The following PKD1 variants were observed in gnomAD, a reference collection of about 807,000 sequenced individuals.
PKD1 encodes polycystin 1, transient receptor potential channel interacting, also known as polycystin-1.
A neutral mutation model predicts 361.7 loss-of-function variants in PKD1; 81 were observed. That is an observed-to-expected ratio of 0.22 (90% CI 0.19 to 0.27). The LOEUF (loss-of-function observed/expected upper bound fraction) is 0.27. Ranked by LOEUF, PKD1 falls within the 10% of genes least tolerant of loss-of-function variation. PKD1 has a pLI of 1.00. For synonymous variants in PKD1, 3,615 were observed against 2,818.3 expected (o/e 1.28, Z -8.95); for missense variants, 6,399 against 6,118.3 (o/e 1.05, Z -1.53).
At chr16:2,119,991 C>A in intron 1 of PKD1, 2 of 594,872 alleles carry the variant, frequency 3.4e-6, no homozygotes, top group South Asian at 3.9e-5. Flanking sequence ...ACGGAAGGAT[C>A]GCCTGGGCCC....
In PKD1 at chr16:2,094,010, A is replaced by G. The variant is rs769506635; in HGVS notation, c.10622T>C (p.Leu3541Pro). ...CAGGCGCTTCCGCAGACCCTCCACC[A>G]GTCCTGGGGAAGCAGAGACAGACCT... Reference protein sequence around the residue: ...PQAARLSRTGLVEGLRKRLLP... With the variant: ...PQAARLSRTGPVEGLRKRLLP... Residue 3541 changes from leucine (L) to proline (P), a missense_variant, in exon 36 of 46, where the codon CTG becomes CCG. Leu to Pro is a moderately conservative substitution (Grantham distance 98). Transcript: ENST00000262304. The G allele has an allele frequency of 1.3e-6, 2 of 1,590,336 alleles. No homozygotes were observed. Among genetic ancestry groups the G allele is most frequent in the Non-Finnish European group, 1.7e-6 (2 of 1,169,758 alleles).
Position 2,100,975 on chromosome 16 carries a change from G to A in PKD1, c.9398-409C>T, listed in dbSNP as rs2092072065. ...ACCTCCTCTCCCAGTGACAGACCCA[G>A]GTGACAGTATTTTTTTTCTTTTTTT... On this transcript the variant is annotated intron_variant, in intron 26 of 45. Coordinates refer to ENST00000262304, the MANE Select transcript of PKD1 (RefSeq NM_001009944.3). The surrounding 1 kb of genome is among the most constrained non-coding windows in gnomAD (Gnocchi z 4.4). Among the ~76,000 whole-genome samples the A allele has an allele frequency of 6.6e-6, 1 of 152,076 alleles. No individual in the cohort carries two copies. The highest frequency in any genetic ancestry group is 2.4e-5 in the African/African-American group (1 of 41,400).
chr16:2,094,148 G>T lies in PKD1; in HGVS notation c.10562C>A (p.Pro3521Gln). The change falls in exon 35 of 46, where the codon CCA (proline) becomes CAA (glutamine). Residue 3521 changes from proline to glutamine, a missense_variant. Transcript: ENST00000262304. The stretch of plus-strand genomic sequence containing the variant: ...TTCCCAGTTCAGGCCTGGGCTGGGT[G>T]GCCCCAGCTCCCCCAGCCTCTGCAG... ...LALQRLGELG[P>Q]PSPGLNWEQP... 6.3e-7 allele frequency: 1 copy of T among 1,599,890 alleles called. No individual in the cohort carries two copies. Among genetic ancestry groups the T allele is most frequent in the Non-Finnish European group, 8.5e-7 (1 of 1,173,356 alleles).
In PKD1 at chr16:2,092,126, T is replaced by A. The variant is rs2091619488; in HGVS notation, c.11332A>T (p.Thr3778Ser). Residue 3778 changes from threonine (T) to serine (S), a missense_variant, in exon 40 of 46, where the codon ACC (threonine) becomes TCC (serine). Thr to Ser is a moderately conservative substitution (Grantham distance 58). Transcript: ENST00000262304. Reference sequence around the variant, plus strand: ...TCCCAGCCAACGTCGTAATCGCTGGTGCTGAAGCCTCCTGCGGCCGAGCAC... The same window carrying A: ...TCCCAGCCAACGTCGTAATCGCTGGAGCTGAAGCCTCCTGCGGCCGAGCAC... ...HTCSAAGGFSTSDYDVGWESP... is the reference protein window; with the variant it reads ...HTCSAAGGFSSSDYDVGWESP... 6.2e-7 allele frequency: 1 copy of A among 1,612,820 alleles called. No homozygotes were observed. The highest frequency in any genetic ancestry group is 1.1e-5 in the South Asian group (1 of 91,078).
Position 2,090,616 on chromosome 16 carries a change from G to C in PKD1, c.12139-26C>G, listed in dbSNP as rs780512004. The C allele has an allele frequency of 5.0e-6, 8 of 1,608,790 alleles. No individual in the cohort carries two copies. In the Admixed American group the frequency reaches 8.3e-5, roughly 17 times the overall value. On this transcript the variant is annotated intron_variant, in intron 44 of 45. Transcript: ENST00000262304. ...CTGCGGGGAAGGCGACACCAGTGAG[G>C]GCGTACAGCTGAGCTGAGCTGAGCT...
chr16:2,117,323 G>A (rs2092654488), intron 6 of PKD1, among the ~76,000 whole-genome samples, 166 bp downstream of exon 6: 1 of 152,180 alleles, frequency 6.6e-6, no homozygotes. Context: ...GTCCACCTCT[G>A]CATCTGCAGA....
intron 1 of PKD1, among the ~76,000 whole-genome samples, chr16:2,129,423 C>G (rs907625209): frequency 1.3e-5 from 2 of 151,880 alleles, no homozygotes; most frequent in African/African-American, 2.4e-5. Flanking sequence ...GCACCGCGCC[C>G]GGCTGGACAG....
rs747143898 is a variant in PKD1 at position 2,110,409 on chromosome 16, G to C, written c.4758C>G (p.Asp1586Glu). The change falls in exon 15 of 46, where the codon GAC becomes GAG. Residue 1586 changes from aspartate to glutamate, a missense_variant. Physicochemically the swap from Asp to Glu is conservative, Grantham distance 45 (BLOSUM62 2). Coordinates refer to ENST00000262304, the MANE Select transcript of PKD1 (RefSeq NM_001009944.3). ...GACCCCCAGGGATGGGCGTGCAGCG[G>C]TCACAGAGCACCCAGGAATAGCGCA... ...SDVRYSWVLCDRCTPIPGGPT... is the reference protein window; with the variant it reads ...SDVRYSWVLCERCTPIPGGPT... 1 of 1,612,642 alleles carries C rather than the reference G, an allele frequency of 6.2e-7. No individual in the cohort carries two copies. The highest frequency in any genetic ancestry group is 8.5e-7 in the Non-Finnish European group (1 of 1,179,848).
At chr16:2,129,769 T>C (rs2092845941) in intron 1 of PKD1, among the ~76,000 whole-genome samples, 1 of 151,546 alleles carries the variant, frequency 6.6e-6, no homozygotes, top group Non-Finnish European at 1.5e-5. Context: ...CAGGCTGGTG[T>C]CAAACTCCTG....
At chr16:2,116,148 C>A in intron 8 of PKD1, 30 bp from the exon 9 acceptor site, 1 of 1,555,254 alleles carries the variant, frequency 6.4e-7, no homozygotes, top group South Asian at 1.1e-5. Flanking sequence ...CTCAGCTCCA[C>A]AGACCCCATC....
At position 2,108,455 on chromosome 16, in the gene PKD1, C is replaced by A. The variant is rs1249877090; in HGVS notation, c.6712G>T (p.Asp2238Tyr). 1 of 1,610,374 alleles carries A rather than the reference C, an allele frequency of 6.2e-7. No individual in the cohort carries two copies. Among genetic ancestry groups the A allele is most frequent in the Non-Finnish European group, 8.5e-7 (1 of 1,179,700 alleles). The change falls in exon 15 of 46, where the codon GAC becomes TAC. Residue 2238 changes from aspartate to tyrosine, a missense_variant. Physicochemically the swap from Asp to Tyr is radical, Grantham distance 160 (BLOSUM62 -3). Transcript: ENST00000262304. ...TGGATGCTCTGTGTCAGTGGCGTGT[C>A]CCCAAATGACACGACAAACACAAAG... ...YCFVFVVSFG[D>Y]TPLTQSIQAN... is the part of the protein sequence containing the mutation.
intron 14 of PKD1, 24 bp from the exon 15 acceptor site, chr16:2,111,895 G>A (rs769553857): frequency 4.4e-6 from 7 of 1,608,676 alleles, no homozygotes; most frequent in Middle Eastern, 2.3e-4. Context: ...CCCGAGTGGG[G>A]CAGCCGCGGC....
In PKD1 at chr16:2,113,260, G is replaced by C; in HGVS notation, c.2886C>G (p.Asp962Glu). Residue 962 changes from aspartate to glutamate, a missense_variant, in exon 12 of 46, where the codon GAC becomes GAG. Coordinates refer to ENST00000262304, the MANE Select transcript of PKD1 (RefSeq NM_001009944.3). ...RYSPVVEAGS[D>E]MVFRWTINDK... ...CGTTGATGGTCCACCGGAAGACCATGTCCGAGCCGGCCTCCACCACGGGGC... is the reference window on the plus strand; with the variant it reads ...CGTTGATGGTCCACCGGAAGACCATCTCCGAGCCGGCCTCCACCACGGGGC... 1 of 1,578,284 alleles carries C rather than the reference G, an allele frequency of 6.3e-7. No individual in the cohort carries two copies. The highest frequency in any genetic ancestry group is 8.6e-7 in the Non-Finnish European group (1 of 1,163,924).
At position 2,088,873 on chromosome 16, in the gene PKD1, G is replaced by GCT; in HGVS notation, c.*853_*854insAG. 1 of 476,646 alleles carries GCT rather than the reference G, an allele frequency of 2.1e-6. No homozygotes were observed. The highest frequency in any genetic ancestry group is 3.7e-6 in the Non-Finnish European group (1 of 272,410). 29.5% of individuals were successfully genotyped at this position (476,646 alleles called of 1,614,324 possible). On this transcript the variant is annotated 3_prime_UTR_variant, in exon 46 of 46. Transcript: ENST00000262304. ...TGGGCCATACAGCACACTCGCGCGT[G>GCT]CGCGCGCGCACACACACACACACAC...
Position 2,119,080 on chromosome 16 carries a change from C to T in PKD1, c.359+34G>A, listed in dbSNP as rs781038728. The T allele has an allele frequency of 1.5e-4, 160 of 1,097,494 alleles. 1 individual carries two copies. The highest frequency in any genetic ancestry group is 2.0e-4 in the Non-Finnish European group (150 of 740,484). 68.0% of individuals were successfully genotyped at this position (1,097,494 alleles called of 1,614,324 possible). A position where few individuals can be genotyped will look rare whatever the true frequency, so the allele number is the denominator to read the frequency against. ...GAAGGGATATTGGGGGCCTGGGGTC[C>T]AGCCAGGACCCCACCCAAAGAACCA... On this transcript the variant is annotated intron_variant, in intron 3 of 45. Coordinates refer to ENST00000262304, the MANE Select transcript of PKD1 (RefSeq NM_001009944.3).
At chr16:2,092,869 CAT>C in intron 38 of PKD1, 83 bp downstream of exon 38, 1 of 1,501,406 alleles carries the variant, frequency 6.7e-7, no homozygotes, top group South Asian at 1.1e-5. Flanking sequence ...GGTATCTACA[CAT>C]GTCCACATGT....
chr16:2,125,626 A>G lies in PKD1; in HGVS notation c.216-6248T>C, dbSNP rs185732127. 1.2e-4 allele frequency among the ~76,000 whole-genome samples: 19 copies of G among 152,110 alleles called. No homozygotes were observed. In the East Asian group the frequency reaches 2.3e-3, roughly 19 times the overall value. ...GATGTCCTTGCCTACACAGATGGAAAAACACAGCCAGCTCAAAAAGGGCCG... is the reference window on the plus strand; with the variant it reads ...GATGTCCTTGCCTACACAGATGGAAGAACACAGCCAGCTCAAAAAGGGCCG... On this transcript the variant is annotated intron_variant, in intron 1 of 45. Coordinates refer to ENST00000262304, the MANE Select transcript of PKD1 (RefSeq NM_001009944.3).
chr16:2,100,255 G>T lies in PKD1; in HGVS notation c.9623C>A (p.Ala3208Glu). Residue 3208 changes from alanine to glutamate, a missense_variant, in exon 28 of 46, where the codon GCA (alanine) becomes GAA (glutamate). Physicochemically the swap from Ala to Glu is moderately radical, Grantham distance 107. Coordinates refer to ENST00000262304, the MANE Select transcript of PKD1 (RefSeq NM_001009944.3). This position sits in a 1 kb window ranked among gnomAD's most constrained non-coding sequence, Gnocchi z 4.4. ...QHVIVRDLQT[A>E]RSAFFLVNDW... is the part of the protein sequence containing the mutation. ...ATTGACCAGGAAGAAGGCGCTGCGT[G>T]CCGTCTGCAGGTCCCTGACGATGAC... is the stretch of plus-strand genomic sequence containing the variant. 6.2e-7 allele frequency: 1 copy of T among 1,610,744 alleles called. No homozygotes were observed. Among genetic ancestry groups the T allele is most frequent in the Non-Finnish European group, 8.5e-7 (1 of 1,179,740 alleles).
In PKD1 at chr16:2,110,220, C is replaced by T. The variant is rs768122483; in HGVS notation, c.4947G>A (p.Thr1649=). The T allele has an allele frequency of 8.7e-6, 14 of 1,612,026 alleles. No individual in the cohort carries two copies. Among genetic ancestry groups the T allele is most frequent in the Admixed American group, 8.3e-5 (5 of 60,014 alleles). ...GGGRYFPTNH[T]VQLQAVVRDG... is the part of the protein sequence containing the mutation. ...CCCTAACCACGGCCTGCAGCTGTAC[C>T]GTGTGGTTGGTGGGGAAGTAGCGGC... Residue 1649 remains threonine, a synonymous_variant, in exon 15 of 46, where the codon ACG becomes ACA. Transcript: ENST00000262304.
Sources: allele counts gnomAD v4.1 joint callset (sites outside exome capture counted in the v4.1 genomes callset), GRCh38; gene constraint gnomAD v4.1.1; non-coding constraint Gnocchi (gnomAD v3.1); transcripts MANE v1.5; gene names NCBI Gene and HGNC (gene_info 2026-07-23, HGNC 2026-07-21).